The following CASP9 variants were observed in gnomAD, a reference collection of about 807,000 sequenced individuals.
CASP9 encodes the protein caspase 9.
Under a neutral mutation model 43.5 loss-of-function variants are expected in CASP9, and 29 were observed. The observed-to-expected ratio is 0.67, with a 90% confidence interval of 0.50 to 0.91. CASP9 has a LOEUF of 0.91. Ranked by LOEUF, CASP9 falls within the 40% of genes least tolerant of loss-of-function variation. The pLI, the probability that CASP9 is intolerant of heterozygous loss-of-function variation, is 0.00. For synonymous variants in CASP9, 206 were observed against 211.9 expected (o/e 0.97, Z 0.24); for missense variants, 575 against 537.4 (o/e 1.07, Z -0.69).
At chr1:15,508,410 CTTTTT>C (rs768206803) in intron 2 of CASP9, among the ~76,000 whole-genome samples, 1 of 151,872 alleles carries the variant, frequency 6.6e-6, no homozygotes, top group Non-Finnish European at 1.5e-5. Context: ...TCTTTTTTTT[CTTTTT>C]TCTTTTTCTT....
At chr1:15,493,237 T>A in intron 8 of CASP9, 1 of 1,410,928 alleles carries the variant, frequency 7.1e-7, no homozygotes, top group African/African-American at 1.4e-5. Context: ...TCCAAATTCA[T>A]AAAGTTCAAA....
intron 2 of CASP9, among the ~76,000 whole-genome samples, chr1:15,509,745 G>A (rs768730629): frequency 1.3e-5 from 2 of 152,170 alleles, no homozygotes; most frequent in Non-Finnish European, 2.9e-5. Flanking sequence ...AAAGAGGTGA[G>A]AGAAGCTCAG....
At chr1:15,509,635 CAAA>C (rs1334952269) in intron 2 of CASP9, among the ~76,000 whole-genome samples, 4 of 116,186 alleles carry the variant, frequency 3.4e-5, no homozygotes, top group Non-Finnish European at 1.8e-5. Flanking sequence ...AACTCCATCT[CAAA>C]AAAAAAAAAA....
intron 5 of CASP9, 72 bp downstream of exon 5, chr1:15,505,918 A>T: frequency 8.5e-7 from 1 of 1,183,066 alleles, no homozygotes; most frequent in Non-Finnish European, 1.3e-6. Context: ...AAGAAGGGAC[A>T]TGGCCCCTGC....
At chr1:15,502,438 T>C (rs955599005) in intron 6 of CASP9, among the ~76,000 whole-genome samples, 42 of 152,084 alleles carry the variant, frequency 2.8e-4, no homozygotes, top group African/African-American at 9.2e-4. Context: ...CTGGGCAATA[T>C]AGTGAGACCC....
In CASP9 at chr1:15,518,374, G is replaced by T. The variant is rs201284755; in HGVS notation, c.154C>A (p.Arg52=). ...DIQRAGSGSR[R]DQARQLIIDL... is the part of the protein sequence containing the mutation. ...ATGATCAGCTGCCTGGCCTGATCCCGCCGAGATCCAGAGCCTGCCCGCTGT... is the reference window on the plus strand; with the variant it reads ...ATGATCAGCTGCCTGGCCTGATCCCTCCGAGATCCAGAGCCTGCCCGCTGT... The change falls in exon 2 of 9, where the codon CGG becomes AGG. Residue 52 remains arginine, a synonymous_variant. Coordinates refer to ENST00000333868, the MANE Select transcript of CASP9 (RefSeq NM_001229.5). 3.7e-6 allele frequency: 6 copies of T among 1,612,394 alleles called. No individual in the cohort carries two copies. Among genetic ancestry groups the T allele is most frequent in the East Asian group, 2.2e-5 (1 of 44,858 alleles).
In CASP9 at chr1:15,505,096, C is replaced by T. The variant is rs1290995103; in HGVS notation, c.721-338G>A. 2.0e-5 allele frequency among the ~76,000 whole-genome samples: 3 copies of T among 152,268 alleles called. No homozygotes were observed. In the East Asian group the frequency reaches 5.8e-4, roughly 29 times the overall value. ...CTTGTAAGAAATGTGATTCCTGGGC[C>T]CCACCCAGACCTCCTAATCAGCAGT... On this transcript the variant is annotated intron_variant, in intron 5 of 8. Coordinates refer to ENST00000333868, the MANE Select transcript of CASP9 (RefSeq NM_001229.5).
At chr1:15,493,130 C>A (rs1570819036) in intron 8 of CASP9, 95 bp from the exon 9 acceptor site, 1 of 1,575,358 alleles carries the variant, frequency 6.3e-7, no homozygotes, top group African/African-American at 1.4e-5. Context: ...ACTCAACCCG[C>A]ACCTTAAAAA....
chr1:15,524,484 TC>T (rs1710368744), upstream of CASP9: 2 of 734,858 alleles, frequency 2.7e-6, no homozygotes, highest in African/African-American at 4.3e-5. Flanking sequence ...ACGCTCCGCG[TC>T]ACCGCCCCGC....
rs183227302 is a variant in CASP9, at chr1:15,519,682, G to T, written c.133-1287C>A. ...GGTCCATAGGACATGGGCACTGACT[G>T]GGGGGACTGTGAAGACAGAGCAAGG... On this transcript the variant is annotated intron_variant, in intron 1 of 8. Coordinates refer to ENST00000333868, the MANE Select transcript of CASP9 (RefSeq NM_001229.5). Among the ~76,000 whole-genome samples, 8 of 152,248 alleles carry T rather than the reference G, an allele frequency of 5.3e-5. No homozygotes were observed. The East Asian group carries it at 1.5e-3, about 29-fold the overall frequency.
intron 1 of CASP9, among the ~76,000 whole-genome samples, chr1:15,521,156 CA>C (rs34870949): frequency 0.53 from 43,357 of 81,298 alleles, 7,421 homozygotes; most frequent in African/African-American, 0.6. Context: ...GACTCCGTCT[CA>C]AAAAAAAAAA....
At position 15,495,378 on chromosome 1, in the gene CASP9, C is replaced by G; in HGVS notation, c.943G>C (p.Asp315His). ...AAACCTTCCTGGAACGGGGTGGCAT[C>G]TGGCTCGGGGTTACTGCCAGGGGAC... ...DESPGSNPEP[D>H]ATPFQEGLRT... The change falls in exon 7 of 9, where the codon GAT (aspartate) becomes CAT (histidine). Residue 315 changes from aspartate to histidine, a missense_variant. Transcript: ENST00000333868. The G allele has an allele frequency of 6.2e-7, 1 of 1,609,218 alleles. No individual in the cohort carries two copies. Among genetic ancestry groups the G allele is most frequent in the East Asian group, 2.2e-5 (1 of 44,710 alleles).
intron 3 of CASP9, 76 bp downstream of exon 3, chr1:15,507,797 G>A: frequency 1.4e-6 from 2 of 1,438,494 alleles, no homozygotes; most frequent in East Asian, 2.3e-5. Context: ...TGACACACCT[G>A]CAGGGAAGGA....
chr1:15,492,846 TC>T lies in CASP9; in HGVS notation c.*96del, dbSNP rs2103320688. Reference sequence around the variant, plus strand: ...AGCAGACCCTGTGCCGGCTGCAAAGTCCTTGAGTTGCAGGAAAGTCCAGGCC... The same window carrying T: ...AGCAGACCCTGTGCCGGCTGCAAAGTCTTGAGTTGCAGGAAAGTCCAGGCC... On this transcript the variant is annotated 3_prime_UTR_variant, in exon 9 of 9. Transcript: ENST00000333868. 1.2e-5 allele frequency: 18 copies of T among 1,524,710 alleles called. No homozygotes were observed. The highest frequency in any genetic ancestry group is 1.6e-5 in the Non-Finnish European group (18 of 1,133,914). 94.4% of individuals were successfully genotyped at this position (1,524,710 alleles called of 1,614,324 possible). A position where few individuals can be genotyped will look rare whatever the true frequency, so the allele number is the denominator to read the frequency against.
Position 15,492,761 on chromosome 1 carries a change from T to C in CASP9, c.*182A>G. 1 of 797,816 alleles carries C rather than the reference T, an allele frequency of 1.3e-6. No individual in the cohort carries two copies. The highest frequency in any genetic ancestry group is 2.0e-6 in the Non-Finnish European group (1 of 508,324). 49.4% of individuals were successfully genotyped at this position (797,816 alleles called of 1,614,324 possible). On this transcript the variant is annotated 3_prime_UTR_variant, in exon 9 of 9. Coordinates refer to ENST00000333868, the MANE Select transcript of CASP9 (RefSeq NM_001229.5). ...TTCATCTGTCCCTCTTCCTCCACTG[T>C]TCAGCACTTGTCGTCAATCTGGAAG...
rs1322753635 is a variant in CASP9, at chr1:15,518,328, C to T, written c.200G>A (p.Ser67Asn). The T allele has an allele frequency of 4.3e-6, 7 of 1,614,090 alleles. No individual in the cohort carries two copies. Among genetic ancestry groups the T allele is most frequent in the Non-Finnish European group, 4.2e-6 (5 of 1,180,056 alleles). Residue 67 changes from serine (S) to asparagine (N), a missense_variant, in exon 2 of 9, where the codon AGT (serine) becomes AAT (asparagine). Ser to Asn is a conservative substitution (Grantham distance 46). Transcript: ENST00000333868. Reference sequence around the variant, plus strand: ...GGAGATGAACAAAGGAAGAGCCTGACTCCCTCGAGTCTCCAGATCTATGAT... The same window carrying T: ...GGAGATGAACAAAGGAAGAGCCTGATTCCCTCGAGTCTCCAGATCTATGAT... ...QLIIDLETRG[S>N]QALPLFISCL...
chr1:15,493,908 T>C lies in CASP9; in HGVS notation c.1142A>G (p.Gln381Arg). 1 of 1,598,954 alleles carries C rather than the reference T, an allele frequency of 6.3e-7. No homozygotes were observed. The highest frequency in any genetic ancestry group is 8.5e-7 in the Non-Finnish European group (1 of 1,171,856). The change falls in exon 8 of 9, where the codon CAG becomes CGG. Residue 381 changes from glutamine (Q) to arginine (R), a missense_variant. Transcript: ENST00000333868. ...AGCACTCACCCTAAGCAGGAGGGAC[T>C]GCAGGTCTTCAGAGTGAGCCCACTG... Reference protein sequence around the residue: ...FEQWAHSEDLQSLLLRVANAV... With the variant: ...FEQWAHSEDLRSLLLRVANAV...
At chr1:15,496,481 C>T (rs1709108676) in intron 6 of CASP9, among the ~76,000 whole-genome samples, 1 of 152,136 alleles carries the variant, frequency 6.6e-6, no homozygotes, top group African/African-American at 2.4e-5. Context: ...ATTATCTCTA[C>T]TCACAAATGG....
At chr1:15,493,823 C>T in intron 8 of CASP9, 69 bp downstream of exon 8, 1 of 1,546,002 alleles carries the variant, frequency 6.5e-7, no homozygotes, top group Non-Finnish European at 8.7e-7. Context: ...CCCCAAATCC[C>T]CAGCCCCAGG....
Sources: allele counts gnomAD v4.1 joint callset (sites outside exome capture counted in the v4.1 genomes callset), GRCh38; gene constraint gnomAD v4.1.1; transcripts MANE v1.5; gene names NCBI Gene and HGNC (gene_info 2026-07-23, HGNC 2026-07-21).